Variants in WDR81 observed in about 807,000 individuals in gnomAD.
WDR81 encodes WD repeat-containing protein 81.
WDR81 carries 92 observed loss-of-function variants against 140.8 expected under a neutral mutation model. The ratio of observed to expected loss-of-function variants is 0.65; its 90% confidence interval spans 0.55 to 0.78. WDR81 has a LOEUF of 0.78. Ranked by LOEUF, WDR81 falls within the 30% of genes least tolerant of loss-of-function variation. WDR81 has a pLI of 0.00. For synonymous variants in WDR81, 1,183 were observed against 1,156.4 expected (o/e 1.02, Z -0.47); for missense variants, 2,502 against 2,636.4 (o/e 0.95, Z 1.12).
chr17:1,734,219 G>A lies in WDR81; in HGVS notation c.5179+3G>A, dbSNP rs1838553897. 7 of 1,572,864 alleles carry A rather than the reference G, an allele frequency of 4.5e-6. No individual in the cohort carries two copies. The highest frequency in any genetic ancestry group is 6.0e-6 in the Non-Finnish European group (7 of 1,164,144). On this transcript the variant is annotated splice_donor_region_variant and intron_variant, in intron 7 of 9. Transcript: ENST00000409644. ...GCACGTCTGGGACCCCTTCACAGGT[G>A]AGCGGGCCCAGGTGAGGCCTGTTCT... is the stretch of plus-strand genomic sequence containing the variant.
Position 1,726,357 on chromosome 17 carries a change from C to G in WDR81, c.1398C>G (p.His466Gln). 1 of 1,548,338 alleles carries G rather than the reference C, an allele frequency of 6.5e-7. No individual in the cohort carries two copies. Among genetic ancestry groups the G allele is most frequent in the Non-Finnish European group, 8.7e-7 (1 of 1,145,704 alleles). Residue 466 changes from histidine to glutamine, a missense_variant, in exon 1 of 10, where the codon CAC becomes CAG. Physicochemically the swap from His to Gln is conservative, Grantham distance 24. Around this residue, in one of 3 missense-constraint regions of WDR81, gnomAD observed 218 missense variants for 279.6 expected, o/e 0.78. Transcript: ENST00000409644. ...RRTPRSVLCG[H>Q]VRAQWEPHEY... ...CGCCTCGGTCGGTGCTCTGCGGACACGTCCGCGCGCAGTGGGAGCCCCATG... is the reference window on the plus strand; with the variant it reads ...CGCCTCGGTCGGTGCTCTGCGGACAGGTCCGCGCGCAGTGGGAGCCCCATG...
chr17:1,727,325 C>G lies in WDR81; in HGVS notation c.2366C>G (p.Thr789Arg). 6.5e-7 allele frequency: 1 copy of G among 1,549,874 alleles called. No homozygotes were observed. The highest frequency in any genetic ancestry group is 8.7e-7 in the Non-Finnish European group (1 of 1,146,970). ...AEMVFATRVR[T>R]LQPDAPLWVR... ...ATGGTGTTTGCCACCAGGGTGCGGA[C>G]GCTGCAGCCCGATGCACCTTTGTGG... Residue 789 changes from threonine (T) to arginine (R), a missense_variant, in exon 1 of 10, where the codon ACG becomes AGG. By Grantham distance (71) the Thr-to-Arg change is moderately conservative. This residue lies in a region of WDR81 where 1,737 missense variants were observed against 1,843.0 expected (regional missense o/e 0.94). Coordinates refer to ENST00000409644, the MANE Select transcript of WDR81 (RefSeq NM_001163809.2).
At chr17:1,728,877 C>T (rs574422166) in intron 1 of WDR81, among the ~76,000 whole-genome samples, 3 of 151,996 alleles carry the variant, frequency 2.0e-5, no homozygotes, top group East Asian at 1.9e-4. Context: ...GGCGTGAACC[C>T]GGGAGGCGGA....
chr17:1,732,872 G>A (rs1431339257), intron 6 of WDR81, 41 bp downstream of exon 6: 2 of 1,558,204 alleles, frequency 1.3e-6, no homozygotes, highest in South Asian at 2.4e-5. Flanking sequence ...CTTCGTGGCT[G>A]TCTCCTCCCT....
At position 1,733,477 on chromosome 17, in the gene WDR81, C is replaced by T. The variant is rs1234598865; in HGVS notation, c.4490-50C>T. ...TCCCGAGTCCTTGGATGGGTGATAG[C>T]AGCCGCCTGCCATCTTCCCTGTCTC... On this transcript the variant is annotated intron_variant, in intron 6 of 9. Coordinates refer to ENST00000409644, the MANE Select transcript of WDR81 (RefSeq NM_001163809.2). The T allele has an allele frequency of 4.0e-6, 6 of 1,492,874 alleles. No homozygotes were observed. The African/African-American group carries it at 8.4e-5, about 21-fold the overall frequency. 92.5% of individuals were successfully genotyped at this position (1,492,874 alleles called of 1,614,324 possible).
At chr17:1,721,591 A>G (rs1271049282), upstream of WDR81, among the ~76,000 whole-genome samples, 5 of 149,730 alleles carry the variant, frequency 3.3e-5, no homozygotes, top group African/African-American at 1.2e-4. Flanking sequence ...AGAGGCCGAG[A>G]TGGGCCGATT....
chr17:1,726,145 T>G lies in WDR81; in HGVS notation c.1186T>G (p.Phe396Val). The change falls in exon 1 of 10, where the codon TTC (phenylalanine) becomes GTC (valine). Residue 396 changes from phenylalanine (F) to valine (V), a missense_variant. Physicochemically the swap from Phe to Val is conservative, Grantham distance 50. This residue lies in a region of WDR81 where 218 missense variants were observed against 279.6 expected (regional missense o/e 0.78). Coordinates refer to ENST00000409644, the MANE Select transcript of WDR81 (RefSeq NM_001163809.2). ...VVDFTTPHGRFRDLRKSKFRL... is the reference protein window; with the variant it reads ...VVDFTTPHGRVRDLRKSKFRL... ...GGACTTCACTACGCCCCATGGGCGC[T>G]TCCGAGACCTGCGCAAGTCCAAGTT... 1 of 1,524,992 alleles carries G rather than the reference T, an allele frequency of 6.6e-7. No individual in the cohort carries two copies. The highest frequency in any genetic ancestry group is 8.8e-7 in the Non-Finnish European group (1 of 1,130,242). 94.5% of individuals were successfully genotyped at this position (1,524,992 alleles called of 1,614,324 possible). A position where few individuals can be genotyped will look rare whatever the true frequency, so the allele number is the denominator to read the frequency against.
At chr17:1,722,178 C>T (rs760170823), upstream of WDR81, among the ~76,000 whole-genome samples, 1 of 151,956 alleles carries the variant, frequency 6.6e-6, no homozygotes, top group Non-Finnish European at 1.5e-5. Context: ...ACAGGGTATG[C>T]AAAATGCTTA....
chr17:1,728,271 C>T lies in WDR81; in HGVS notation c.3312C>T (p.Ser1104=). The stretch of plus-strand genomic sequence containing the variant: ...AGCCCCAGGAGGCTGAGGCTGTGAG[C>T]CTGGGCCGGCTGAGTGACAAGAGCA... ...SPQPQEAEAV[S]LGRLSDKSST... is the part of the protein sequence containing the mutation. The change falls in exon 1 of 10, where the codon AGC becomes AGT. Residue 1104 remains serine (S), a synonymous_variant. Transcript: ENST00000409644. The T allele has an allele frequency of 6.2e-7, 1 of 1,612,478 alleles. No individual in the cohort carries two copies. The highest frequency in any genetic ancestry group is 8.5e-7 in the Non-Finnish European group (1 of 1,179,810).
Position 1,724,771 on chromosome 17 carries a change from C to G in WDR81, c.-189C>G, listed in dbSNP as rs1392433131. 1 of 1,156,480 alleles carries G rather than the reference C, an allele frequency of 8.6e-7. No homozygotes were observed. The highest frequency in any genetic ancestry group is 1.6e-5 in the African/African-American group (1 of 61,786). 71.6% of individuals were successfully genotyped at this position (1,156,480 alleles called of 1,614,324 possible). ...CCTCTGCCCCGCCGCGCCCGGAGCG[C>G]AGGACCCGCGGAGGGGTAAGCGCGC... is the stretch of plus-strand genomic sequence containing the variant. On this transcript the variant is annotated 5_prime_UTR_variant, in exon 1 of 10. Coordinates refer to ENST00000409644, the MANE Select transcript of WDR81 (RefSeq NM_001163809.2).
chr17:1,719,273 C>T (rs1281293520), intron 1 of WDR81, among the ~76,000 whole-genome samples: 3 of 152,190 alleles, frequency 2.0e-5, no homozygotes, highest in African/African-American at 4.8e-5. Context: ...TGTGCCCGGG[C>T]GCGGTGGCTC....
chr17:1,726,201 C>G lies in WDR81; in HGVS notation c.1242C>G (p.Asp414Glu). 6.6e-7 allele frequency: 1 copy of G among 1,525,138 alleles called. No homozygotes were observed. Among genetic ancestry groups the G allele is most frequent in the Non-Finnish European group, 8.8e-7 (1 of 1,130,710 alleles). The allele number at this position is 1,525,138 out of a possible 1,614,324, so 94.5% of individuals were successfully genotyped here. A position where few individuals can be genotyped will look rare whatever the true frequency, so the allele number is the denominator to read the frequency against. Residue 414 changes from aspartate to glutamate, a missense_variant, in exon 1 of 10, where the codon GAC (aspartate) becomes GAG (glutamate). Physicochemically the swap from Asp to Glu is conservative, Grantham distance 45. Around this residue, in one of 3 missense-constraint regions of WDR81, gnomAD observed 218 missense variants for 279.6 expected, o/e 0.78. Coordinates refer to ENST00000409644, the MANE Select transcript of WDR81 (RefSeq NM_001163809.2). The part of the protein sequence containing the change: ...FRLNKGDKQL[D>E]FTYEMTRQAF... ...TCAACAAGGGGGATAAGCAACTGGACTTCACGTATGAGATGACACGGCAGG... is the reference window on the plus strand; with the variant it reads ...TCAACAAGGGGGATAAGCAACTGGAGTTCACGTATGAGATGACACGGCAGG...
chr17:1,736,685 A>T (rs939162264), intron 9 of WDR81, among the ~76,000 whole-genome samples: 8 of 151,876 alleles, frequency 5.3e-5, no homozygotes, highest in Non-Finnish European at 1.0e-4. Context: ...GGGCATGGGG[A>T]TCCTGTCCCC....
Position 1,737,683 on chromosome 17 carries a change from T to C in WDR81, c.5824T>C (p.Ter1942GlnextTer80). 6.2e-7 allele frequency: 1 copy of C among 1,606,312 alleles called. No homozygotes were observed. The change falls in exon 10 of 10, where the codon TAG becomes CAG. Residue 1942 changes from the stop codon to glutamine (Q), a stop_lost. Coordinates refer to ENST00000409644, the MANE Select transcript of WDR81 (RefSeq NM_001163809.2). ...CAACGGGGTTATCCGCCTCCTGGCA[T>C]AGACTGAGGCAGGAGCTGGCCGGGC... is the stretch of plus-strand genomic sequence containing the variant. The part of the protein sequence containing the change: ...SDNGVIRLLA[*>Q]
rs1915367649 is a variant in WDR81 at position 1,727,513 on chromosome 17, T to C, written c.2554T>C (p.Ser852Pro). ...LDQLFEYRPVSQGLPPPCPSQ... is the reference protein window; with the variant it reads ...LDQLFEYRPVPQGLPPPCPSQ... ...CCAACTGTTTGAGTACAGGCCTGTC[T>C]CCCAGGGCCTGCCCCCACCCTGCCC... The change falls in exon 1 of 10, where the codon TCC (serine) becomes CCC (proline). Residue 852 changes from serine to proline, a missense_variant. Around this residue, in one of 3 missense-constraint regions of WDR81, gnomAD observed 1,737 missense variants for 1,843.0 expected, o/e 0.94. Transcript: ENST00000409644. The C allele has an allele frequency of 6.5e-7, 1 of 1,550,216 alleles. No individual in the cohort carries two copies. The highest frequency in any genetic ancestry group is 1.4e-5 in the African/African-American group (1 of 73,026).
At position 1,734,032 on chromosome 17, in the gene WDR81, C is replaced by A. The variant is rs143987787; in HGVS notation, c.4995C>A (p.Ser1665Arg). 6.2e-7 allele frequency: 1 copy of A among 1,611,204 alleles called. No individual in the cohort carries two copies. The highest frequency in any genetic ancestry group is 1.3e-5 in the African/African-American group (1 of 74,946). The change falls in exon 7 of 10, where the codon AGC becomes AGA. Residue 1665 changes from serine to arginine, a missense_variant. This residue lies in a region of WDR81 where 1,737 missense variants were observed against 1,843.0 expected (regional missense o/e 0.94). Transcript: ENST00000409644. Reference sequence around the variant, plus strand: ...TAAGCAGCGAGGACTTCTTCCTGAGCGGCAGCAAGGATCGTACCGTGCGCC... The same window carrying A: ...TAAGCAGCGAGGACTTCTTCCTGAGAGGCAGCAAGGATCGTACCGTGCGCC... The part of the protein sequence containing the change: ...APLSSEDFFL[S>R]GSKDRTVRLW...
intron 6 of WDR81, 171 bp downstream of exon 6, chr17:1,733,002 A>T: frequency 2.5e-6 from 2 of 801,370 alleles, no homozygotes; most frequent in Non-Finnish European, 3.8e-6. Flanking sequence ...ACACACAAAC[A>T]AGGACTGAGC....
In WDR81 at chr17:1,726,446, A is replaced by G. The variant is rs980837045; in HGVS notation, c.1487A>G (p.Tyr496Cys). 2.6e-6 allele frequency: 4 copies of G among 1,550,246 alleles called. No individual in the cohort carries two copies. The highest frequency in any genetic ancestry group is 1.4e-5 in the African/African-American group (1 of 73,014). The change falls in exon 1 of 10, where the codon TAC becomes TGC. Residue 496 changes from tyrosine to cysteine, a missense_variant. Around this residue, in one of 3 missense-constraint regions of WDR81, gnomAD observed 218 missense variants for 279.6 expected, o/e 0.78. Transcript: ENST00000409644. ...WTPDECIPEFYTDPSIFRSIH... is the reference protein window; with the variant it reads ...WTPDECIPEFCTDPSIFRSIH... ...CCGGATGAGTGCATTCCGGAGTTCTACACCGATCCCTCTATCTTCCGCTCC... is the reference window on the plus strand; with the variant it reads ...CCGGATGAGTGCATTCCGGAGTTCTGCACCGATCCCTCTATCTTCCGCTCC...
Position 1,727,468 on chromosome 17 carries a change from G to A in WDR81, c.2509G>A (p.Ala837Thr). The A allele has an allele frequency of 6.4e-7, 1 of 1,550,412 alleles. No homozygotes were observed. The highest frequency in any genetic ancestry group is 8.7e-7 in the Non-Finnish European group (1 of 1,146,992). Residue 837 changes from alanine to threonine, a missense_variant, in exon 1 of 10, where the codon GCA becomes ACA. This residue lies in a region of WDR81 where 1,737 missense variants were observed against 1,843.0 expected (regional missense o/e 0.94). Transcript: ENST00000409644. ...QMSGPEVPMGAERGKLDQLFE... is the reference protein window; with the variant it reads ...QMSGPEVPMGTERGKLDQLFE... ...GAGTGGCCCCGAAGTCCCCATGGGA[G>A]CAGAGAGGGGCAAGCTGGACCAACT...
Sources: allele counts gnomAD v4.1 joint callset (sites outside exome capture counted in the v4.1 genomes callset), GRCh38; gene constraint gnomAD v4.1.1; regional missense constraint gnomAD v4.1.1; transcripts MANE v1.5; gene names NCBI Gene and HGNC (gene_info 2026-07-23, HGNC 2026-07-21).